FSTL5: variants seen among roughly 807,000 people sequenced by gnomAD.
FSTL5 encodes follistatin-related protein 5.
FSTL5 carries 62 observed loss-of-function variants against 89.1 expected under a neutral mutation model. The ratio of observed to expected loss-of-function variants is 0.70; its 90% CI spans 0.57 to 0.86. FSTL5 has a LOEUF of 0.86. FSTL5 is among the 40% of genes least tolerant of loss of function. The probability of loss-of-function intolerance (pLI) is 0.00; values close to 1 mark genes in which losing one functional copy is unlikely to be tolerated. For synonymous variants in FSTL5, 383 were observed against 346.2 expected, an observed-to-expected ratio of 1.11 and a Z score of -1.18; for missense variants, 1,057 against 1,001.6, an observed-to-expected ratio of 1.06 and a Z score of -0.75.
At chr4:161,717,130 T>G (rs1331430415) in intron 6 of FSTL5, among the ~76,000 whole-genome samples, 1 of 152,190 alleles carries the variant, frequency 6.6e-6, no homozygotes, top group East Asian at 1.9e-4. Flanking sequence ...AAGACACAAA[T>G]GTACTGACAT....
At chr4:162,034,911 C>A (rs1737672760) in intron 2 of FSTL5, among the ~76,000 whole-genome samples, 1 of 152,128 alleles carries the variant, frequency 6.6e-6, no homozygotes, top group Admixed American at 6.6e-5. Context: ...TTTCTCTCAT[C>A]TAAACTCACC....
chr4:161,759,519 C>T lies in FSTL5; in HGVS notation c.619G>A (p.Glu207Lys), dbSNP rs1026863704. Residue 207 changes from glutamate to lysine, a missense_variant, in exon 6 of 16, where the codon GAA becomes AAA. Glu to Lys is a moderately conservative substitution (Grantham distance 56, BLOSUM62 1). Coordinates refer to ENST00000306100, the MANE Select transcript of FSTL5 (RefSeq NM_020116.5). ...TCAAAGAGATCCTTGCCAAGTTCTT[C>T]CTGTTTTATCACCTAACAAGAAAAT... ...INELTQVIKQ[E>K]ELGKDLFDCT... 1 of 1,552,598 alleles carries T rather than the reference C, an allele frequency of 6.4e-7. No individual in the cohort carries two copies. Among genetic ancestry groups the T allele is most frequent in the Non-Finnish European group, 8.7e-7 (1 of 1,148,408 alleles).
chr4:161,819,542 T>G (rs1730428144), intron 4 of FSTL5, among the ~76,000 whole-genome samples: 1 of 152,096 alleles, frequency 6.6e-6, no homozygotes. Flanking sequence ...GGTCTGCATT[T>G]TGAAATAGAC....
chr4:162,051,880 A>C (rs1033961061), intron 2 of FSTL5, among the ~76,000 whole-genome samples: 6 of 151,700 alleles, frequency 4.0e-5, no homozygotes, highest in African/African-American at 1.4e-4. Context: ...AAGGTTATAG[A>C]ATAGAAACTA....
intron 15 of FSTL5, among the ~76,000 whole-genome samples, chr4:161,396,340 A>G (rs1730997619): frequency 6.6e-6 from 1 of 152,020 alleles, no homozygotes; most frequent in Admixed American, 6.6e-5. Context: ...TGTAGGATTG[A>G]AAGAAAATAA....
chr4:161,795,575 A>T (rs1212991476), intron 4 of FSTL5, among the ~76,000 whole-genome samples: 1 of 152,142 alleles, frequency 6.6e-6, no homozygotes, highest in East Asian at 1.9e-4. Context: ...TGAAATTGGT[A>T]CTATAGCGAA....
At chr4:161,551,588 C>T (rs1363617655) in intron 8 of FSTL5, among the ~76,000 whole-genome samples, 1 of 151,932 alleles carries the variant, frequency 6.6e-6, no homozygotes, top group African/African-American at 2.4e-5. Context: ...TCAAACTATA[C>T]TACAAGGCTA....
At chr4:162,132,622 T>C (rs955758037) in intron 1 of FSTL5, among the ~76,000 whole-genome samples, 1 of 152,178 alleles carries the variant, frequency 6.6e-6, no homozygotes, top group Non-Finnish European at 1.5e-5. Flanking sequence ...TCCTCAGAGT[T>C]TGGCAATAGG....
chr4:161,540,078 T>C (rs1364518249), intron 9 of FSTL5, among the ~76,000 whole-genome samples: 2 of 152,114 alleles, frequency 1.3e-5, no homozygotes, highest in African/African-American at 4.8e-5. Flanking sequence ...AATCTAGCAT[T>C]CTTAGATGTT....
chr4:161,878,514 G>T (rs1440589), intron 4 of FSTL5, among the ~76,000 whole-genome samples: 2 of 151,890 alleles, frequency 1.3e-5, no homozygotes, highest in Non-Finnish European at 2.9e-5. Flanking sequence ...CAGATAATAA[G>T]CTAAACTTTA....
intron 12 of FSTL5, among the ~76,000 whole-genome samples, chr4:161,484,192 T>G (rs1325815813): frequency 6.6e-6 from 1 of 152,194 alleles, no homozygotes; most frequent in Non-Finnish European, 1.5e-5. Flanking sequence ...AATTACCTAT[T>G]AAAAATACTT....
intron 8 of FSTL5, among the ~76,000 whole-genome samples, chr4:161,556,534 C>G (rs968397651): frequency 6.6e-6 from 1 of 151,480 alleles, no homozygotes; most frequent in African/African-American, 2.4e-5. Flanking sequence ...CACTCCAACT[C>G]TATGAGTGCT....
intron 2 of FSTL5, among the ~76,000 whole-genome samples, chr4:162,042,625 T>G (rs1738007625): frequency 6.6e-6 from 1 of 151,920 alleles, no homozygotes; most frequent in Admixed American, 6.6e-5. Context: ...AAAAGGGAAA[T>G]TATATAATAT....
At chr4:162,114,059 A>G (rs1399550115) in intron 1 of FSTL5, among the ~76,000 whole-genome samples, 1 of 152,204 alleles carries the variant, frequency 6.6e-6, no homozygotes, top group Non-Finnish European at 1.5e-5. Flanking sequence ...ATTCAAGGAT[A>G]AAATAAAGAT....
chr4:161,516,117 A>G (rs1193319118), intron 10 of FSTL5, among the ~76,000 whole-genome samples: 1 of 148,636 alleles, frequency 6.7e-6, no homozygotes, highest in Non-Finnish European at 1.5e-5. Flanking sequence ...TGTATTATAT[A>G]TTATATTCTT....
chr4:162,026,304 C>CTTTTTTGTTTTTTTTTTTTTTTTTT (rs1737282272), intron 3 of FSTL5, among the ~76,000 whole-genome samples: 3 of 79,472 alleles, frequency 3.8e-5, no homozygotes, highest in African/African-American at 4.9e-5. Context: ...TATGTATTTT[C>CTTTTTTGTTTTTTTTTTTTTTTTTT]TTTTTTTTTT....
chr4:161,916,310 T>C (rs1287518322), intron 4 of FSTL5, among the ~76,000 whole-genome samples: 1 of 152,178 alleles, frequency 6.6e-6, no homozygotes, highest in Non-Finnish European at 1.5e-5. Flanking sequence ...GCATAGGTTA[T>C]ATCTTAAGTT....
chr4:161,555,077 T>G (rs943312111), intron 8 of FSTL5, among the ~76,000 whole-genome samples: 1 of 151,600 alleles, frequency 6.6e-6, no homozygotes, highest in African/African-American at 2.4e-5. Flanking sequence ...GTGTAGAGGA[T>G]GCAACAAATG....
intron 12 of FSTL5, among the ~76,000 whole-genome samples, chr4:161,492,725 C>T (rs1233312236): frequency 3.3e-5 from 5 of 151,936 alleles, no homozygotes; most frequent in African/African-American, 1.2e-4. Flanking sequence ...GGCAATAAGT[C>T]GGTAGCTTAA....
Sources: gnomAD v4.1 joint callset for allele counts (sites outside exome capture counted in the v4.1 genomes callset) on GRCh38, gnomAD v4.1.1 for gene constraint, MANE v1.5 for transcripts, NCBI Gene and HGNC (gene_info 2026-07-23, HGNC 2026-07-21) for gene names.